The following CACNA1C variants were observed in gnomAD, a reference collection of about 807,000 sequenced individuals.
The protein encoded by CACNA1C is voltage-dependent L-type calcium channel subunit alpha-1C.
Under a neutral mutation model 229.0 loss-of-function variants are expected in CACNA1C, and 30 were observed. The ratio of observed to expected loss-of-function variants is 0.13; its 90% CI spans 0.10 to 0.18. The LOEUF (loss-of-function observed/expected upper bound fraction) is 0.18, where lower values mean the gene tolerates loss of function less well. Ranked by LOEUF, CACNA1C falls within the 10% of genes least tolerant of loss-of-function variation. The pLI, the probability that CACNA1C is intolerant of heterozygous loss-of-function variation, is 1.00. For synonymous variants in CACNA1C, 1,114 were observed against 1,132.5 expected (o/e 0.98, Z 0.33); for missense variants, 1,658 against 2,845.0 (o/e 0.58, Z 9.49).
Position 2,575,317 on chromosome 12 carries a change from C to A in CACNA1C, c.1896-6273C>A, listed in dbSNP as rs1361176264. On this transcript the variant is annotated intron_variant, in intron 13 of 46. Transcript: ENST00000399655. The surrounding 1 kb of genome is among the most constrained non-coding windows in gnomAD (Gnocchi z 4.0). ...GCCTTGGGGCCCAGGTTGTCCCAGA[C>A]CAAAATACTCTAGAATTCTGCTTGA... is the stretch of plus-strand genomic sequence containing the variant. Among the ~76,000 whole-genome samples, 1 of 152,186 alleles carries A rather than the reference C, an allele frequency of 6.6e-6. No individual in the cohort carries two copies. The highest frequency in any genetic ancestry group is 1.9e-4 in the East Asian group (1 of 5,200).
chr12:2,400,539 C>G (rs143777336), intron 3 of CACNA1C, among the ~76,000 whole-genome samples: 178 of 152,278 alleles, frequency 1.2e-3, no homozygotes, highest in African/African-American at 4.2e-3. Flanking sequence ...TTATCTGTAG[C>G]ATGAAAACCC....
rs2095854208 is a variant in CACNA1C at position 2,319,353 on chromosome 12, G to A, written c.478-129623G>A. ...ATGGTGGGCAACATACATGGGGGCA[G>A]TGTGCTTGGTAGGCAGCGTACCTGA... On this transcript the variant is annotated intron_variant, in intron 3 of 46. Transcript: ENST00000399655. The surrounding 1 kb of genome is among the most constrained non-coding windows in gnomAD (Gnocchi z 4.0). Among the ~76,000 whole-genome samples, 1 of 152,082 alleles carries A rather than the reference G, an allele frequency of 6.6e-6. No individual in the cohort carries two copies.
At chr12:2,081,746 A>G (rs2065742090) in intron 1 of CACNA1C, among the ~76,000 whole-genome samples, 1 of 152,136 alleles carries the variant, frequency 6.6e-6, no homozygotes, top group African/African-American at 2.4e-5. Context: ...AGGATGATTG[A>G]AATTTAGGAT....
At chr12:2,600,557 G>A (rs1047513584) in intron 21 of CACNA1C, among the ~76,000 whole-genome samples, 1 of 152,188 alleles carries the variant, frequency 6.6e-6, no homozygotes, top group Non-Finnish European at 1.5e-5. Context: ...CCTGTCCGCT[G>A]CCTGTCACAG....
chr12:2,236,810 G>A (rs1391753688), intron 3 of CACNA1C, among the ~76,000 whole-genome samples: 1 of 152,162 alleles, frequency 6.6e-6, no homozygotes, highest in East Asian at 1.9e-4. Context: ...GAAATGGAGG[G>A]GAGTGGTGCC....
chr12:2,657,775 G>A lies in CACNA1C; in HGVS notation c.4232+2537G>A, dbSNP rs576387160. Among the ~76,000 whole-genome samples the A allele has an allele frequency of 7.1e-4, 108 of 152,176 alleles. 3 individuals carry two copies. In the South Asian group the frequency reaches 0.022, roughly 31 times the overall value. On this transcript the variant is annotated intron_variant, in intron 34 of 46. Transcript: ENST00000399655. ...GGCCTAAAGAAAATGCAAATAAAAG[G>A]ATGGAAAAACGAATACCATGTAAGG...
intron 3 of CACNA1C, among the ~76,000 whole-genome samples, chr12:2,448,625 T>G (rs2154562760): frequency 6.6e-6 from 1 of 152,268 alleles, no homozygotes; most frequent in African/African-American, 2.4e-5. Flanking sequence ...TTGTTTCCCT[T>G]TAGATGGAGA....
chr12:2,188,060 T>C (rs140322767), intron 3 of CACNA1C, among the ~76,000 whole-genome samples: 1,547 of 152,272 alleles, frequency 0.01, 17 homozygotes, highest in Middle Eastern at 0.017. Flanking sequence ...GGCTTTTCAC[T>C]AGGAATTAAA....
intron 2 of CACNA1C, among the ~76,000 whole-genome samples, chr12:2,117,131 C>T (rs1192714754): frequency 1.3e-5 from 2 of 152,064 alleles, no homozygotes; most frequent in South Asian, 2.1e-4. Context: ...ATTAGCCAGG[C>T]GTTGGGGCAC....
intron 1 of CACNA1C, chr12:1,991,378 C>T: frequency 3.1e-6 from 1 of 320,164 alleles, no homozygotes; most frequent in Non-Finnish European, 6.2e-6. Context: ...AGAACAGTGC[C>T]ATTCAATAGA....
At chr12:2,158,240 G>C (rs1406835459) in intron 3 of CACNA1C, among the ~76,000 whole-genome samples, 1 of 152,168 alleles carries the variant, frequency 6.6e-6, no homozygotes, top group Non-Finnish European at 1.5e-5. Context: ...CTATCCCAAG[G>C]GTACATCTTT....
chr12:2,004,520 C>G (rs926965287), intron 1 of CACNA1C: 8 of 1,503,430 alleles, frequency 5.3e-6, no homozygotes, highest in African/African-American at 1.4e-5. Flanking sequence ...CAACCGAGAA[C>G]CCACGGCGAC....
At chr12:2,578,618 G>A (rs916680898) in intron 13 of CACNA1C, among the ~76,000 whole-genome samples, 3 of 152,182 alleles carry the variant, frequency 2.0e-5, no homozygotes, top group African/African-American at 7.2e-5. Flanking sequence ...TGGCGCAGAA[G>A]GATTTGCTGA....
At chr12:2,496,892 T>G (rs915077226) in intron 7 of CACNA1C, among the ~76,000 whole-genome samples, 1 of 152,200 alleles carries the variant, frequency 6.6e-6, no homozygotes, top group Non-Finnish European at 1.5e-5. Context: ...AGGCTCATCC[T>G]TTACTCTCAG....
At chr12:2,329,162 C>T (rs2238063) in intron 3 of CACNA1C, among the ~76,000 whole-genome samples, 15,641 of 152,190 alleles carry the variant, frequency 0.1, 891 homozygotes, top group South Asian at 0.14. Flanking sequence ...CTACAAACAC[C>T]GCAGATCGAT....
Position 2,241,509 on chromosome 12 carries a change from G to A in CACNA1C, c.477+121079G>A, listed in dbSNP as rs373427671. On this transcript the variant is annotated intron_variant, in intron 3 of 46. Transcript: ENST00000399655. ...ACGTGTGCAGCCTGGCCAAGCAGGT[G>A]GGGGAGTGGCAGGACCAGCTATGTG... Among the ~76,000 whole-genome samples the A allele has an allele frequency of 9.2e-5, 14 of 152,256 alleles. No homozygotes were observed. In the East Asian group the frequency reaches 1.9e-3, roughly 21 times the overall value.
At chr12:2,228,839 G>C (rs774306150) in intron 3 of CACNA1C, among the ~76,000 whole-genome samples, 2 of 152,196 alleles carry the variant, frequency 1.3e-5, no homozygotes, top group Non-Finnish European at 2.9e-5. Context: ...GGAAAGAGGA[G>C]TATGTGCTTG....
intron 3 of CACNA1C, among the ~76,000 whole-genome samples, chr12:2,347,402 A>G (rs759674342): frequency 6.6e-6 from 1 of 152,226 alleles, no homozygotes; most frequent in Non-Finnish European, 1.5e-5. Context: ...GCTGCTGACA[A>G]CTGTTTAAAC....
At chr12:2,277,059 C>G (rs1037077942) in intron 3 of CACNA1C, among the ~76,000 whole-genome samples, 1 of 152,182 alleles carries the variant, frequency 6.6e-6, no homozygotes, top group Non-Finnish European at 1.5e-5. Context: ...CTATCAGGAA[C>G]TATGTCCTCA....
Sources: allele counts gnomAD v4.1 joint callset (sites outside exome capture counted in the v4.1 genomes callset), GRCh38; gene constraint gnomAD v4.1.1; non-coding constraint Gnocchi (gnomAD v3.1); transcripts MANE v1.5; gene names NCBI Gene and HGNC (gene_info 2026-07-23, HGNC 2026-07-21).